ADAM22: variants seen among roughly 807,000 people sequenced by gnomAD.
ADAM22 encodes the protein ADAM metallopeptidase domain 22.
In ADAM22, 65 loss-of-function variants were observed where a neutral mutation model predicts 144.6. That is an observed-to-expected ratio of 0.45 (90% confidence interval 0.37 to 0.55). The LOEUF (loss-of-function observed/expected upper bound fraction) is 0.55, where lower values mean the gene tolerates loss of function less well. ADAM22 is among the 20% of genes least tolerant of loss of function. The pLI is 0.00. For synonymous variants in ADAM22, 391 were observed against 412.6 expected, an observed-to-expected ratio of 0.95 and a Z score of 0.63; for missense variants, 974 against 1,184.9, an observed-to-expected ratio of 0.82 and a Z score of 2.61.
intron 3 of ADAM22, among the ~76,000 whole-genome samples, chr7:87,988,345 A>G (rs1352576022): frequency 3.3e-5 from 5 of 152,164 alleles, no homozygotes; most frequent in African/African-American, 7.2e-5. Context: ...AGGTACTAAT[A>G]TAACACTATG....
At chr7:87,982,078 C>T (rs1487129619) in intron 3 of ADAM22, among the ~76,000 whole-genome samples, 1 of 145,174 alleles carries the variant, frequency 6.9e-6, no homozygotes, top group African/African-American at 2.6e-5. Flanking sequence ...TACACACACA[C>T]ACACACACAC....
At chr7:88,027,762 G>A (rs1799334619) in intron 3 of ADAM22, among the ~76,000 whole-genome samples, 1 of 149,358 alleles carries the variant, frequency 6.7e-6, no homozygotes, top group African/African-American at 2.4e-5. Context: ...TGCTTTTCTA[G>A]TTGTGAAGAT....
chr7:88,146,854 G>A lies in ADAM22; in HGVS notation c.1485+1347G>A, dbSNP rs145553328. 1.1e-3 allele frequency among the ~76,000 whole-genome samples: 170 copies of A among 152,260 alleles called. 1 individual carries two copies. Among genetic ancestry groups the A allele is most frequent in the Admixed American group, 3.3e-3 (50 of 15,298 alleles). ...GTGTCTCCTGGCAGCTTTTTAAGAC[G>A]AGCAGGCACTGGCAGAGATCTCTGA... On this transcript the variant is annotated intron_variant, in intron 17 of 31. Transcript: ENST00000413139.
Position 88,171,548 on chromosome 7 carries a change from T to C in ADAM22, c.2287T>C (p.Tyr763His). Residue 763 changes from tyrosine to histidine, a missense_variant, in exon 26 of 32, where the codon TAT becomes CAT. By Grantham distance (83) the Tyr-to-His change is moderately conservative (BLOSUM62 2). This residue lies in a region of ADAM22 where 734 missense variants were observed against 950.6 expected (regional missense o/e 0.77). Coordinates refer to ENST00000413139, the MANE Select transcript of ADAM22 (RefSeq NM_001324418.2). Reference sequence around the variant, plus strand: ...TCTCTTCTTGTCCATGAAAAGAAACTATCGAGAACAGAGGTATGTAATACA... The same window carrying C: ...TCTCTTCTTGTCCATGAAAAGAAACCATCGAGAACAGAGGTATGTAATACA... ...LGITAWGYKN[Y>H]REQRQLPQGD... 6.3e-7 allele frequency: 1 copy of C among 1,593,430 alleles called. No homozygotes were observed.
intron 2 of ADAM22, among the ~76,000 whole-genome samples, chr7:87,976,422 A>G (rs1851909276): frequency 6.6e-6 from 1 of 152,192 alleles, no homozygotes; most frequent in African/African-American, 2.4e-5. Context: ...AGAAAAGGCT[A>G]TGTGAGGACA....
At chr7:87,953,095 G>T (rs10952903) in intron 2 of ADAM22, among the ~76,000 whole-genome samples, 3 of 151,320 alleles carry the variant, frequency 2.0e-5, no homozygotes, top group Admixed American at 2.0e-4. Flanking sequence ...ACCAGCTCCT[G>T]GCTTCATTAA....
intron 3 of ADAM22, among the ~76,000 whole-genome samples, chr7:88,002,279 G>A (rs1792751522): frequency 6.6e-6 from 1 of 152,096 alleles, no homozygotes. Context: ...AGGACTGCCC[G>A]CCTCTGTCCT....
rs756672735 is a variant in ADAM22, at chr7:88,151,368, G to A, written c.1681+48G>A. On this transcript the variant is annotated intron_variant, in intron 20 of 31. Transcript: ENST00000413139. ...TCATTGTTAAAGCATGATGTCAGGC[G>A]GACTTCTCAAGGACGTGTGTGCTGG... The A allele has an allele frequency of 2.4e-5, 39 of 1,606,244 alleles. 1 individual carries two copies. Among genetic ancestry groups the A allele is most frequent in the Admixed American group, 1.2e-4 (7 of 59,876 alleles).
At chr7:88,165,392 C>T (rs2299205) in intron 23 of ADAM22, among the ~76,000 whole-genome samples, 10,965 of 152,068 alleles carry the variant, frequency 0.072, 562 homozygotes, top group East Asian at 0.22. Flanking sequence ...CAGGTCTCCC[C>T]TCTTCATCAG....
chr7:87,979,945 G>GTT (rs1234354861), intron 3 of ADAM22, among the ~76,000 whole-genome samples: 1 of 152,062 alleles, frequency 6.6e-6, no homozygotes, highest in Non-Finnish European at 1.5e-5. Context: ...GGTAATCTGT[G>GTT]TTTTCTGCTT....
At chr7:87,975,185 C>G (rs13234483) in intron 2 of ADAM22, among the ~76,000 whole-genome samples, 7 of 152,210 alleles carry the variant, frequency 4.6e-5, no homozygotes, top group Non-Finnish European at 8.8e-5. Context: ...TGGAGGCCTT[C>G]TGAGACACCC....
chr7:88,006,735 A>C (rs1203131838), intron 3 of ADAM22, among the ~76,000 whole-genome samples: 1 of 150,286 alleles, frequency 6.7e-6, no homozygotes, highest in Non-Finnish European at 1.5e-5. Flanking sequence ...TAAATTAGGT[A>C]TTGATGGGAC....
At chr7:88,053,570 AGGAG>A (rs201447404) in intron 3 of ADAM22, among the ~76,000 whole-genome samples, 12 of 132,058 alleles carry the variant, frequency 9.1e-5, no homozygotes, top group Non-Finnish European at 1.6e-4. Context: ...GAAAGAAGGA[AGGAG>A]GAAAGGAAGG....
At chr7:87,942,719 G>A (rs372664996) in intron 2 of ADAM22, among the ~76,000 whole-genome samples, 11 of 152,222 alleles carry the variant, frequency 7.2e-5, no homozygotes, top group East Asian at 5.8e-4. Flanking sequence ...TGAAGGACAC[G>A]TGTCCTATTT....
intron 2 of ADAM22, among the ~76,000 whole-genome samples, chr7:87,944,824 T>TTG (rs1554339392): frequency 1.3e-5 from 2 of 151,386 alleles, no homozygotes; most frequent in Non-Finnish European, 2.9e-5. Context: ...GTGTTTTTTT[T>TTG]TTTTTTGTTT....
At chr7:88,103,688 T>A (rs372744710) in intron 4 of ADAM22, among the ~76,000 whole-genome samples, 2 of 152,192 alleles carry the variant, frequency 1.3e-5, no homozygotes, top group African/African-American at 4.8e-5. Context: ...CCAACTCTGA[T>A]AGGAAAAGCC....
intron 2 of ADAM22, among the ~76,000 whole-genome samples, chr7:87,951,965 T>C: frequency 6.7e-6 from 1 of 148,366 alleles, no homozygotes; most frequent in East Asian, 2.0e-4. Flanking sequence ...TATATAAGAA[T>C]GCTTGTGATT....
rs765459046 is a variant in ADAM22, at chr7:88,149,000, C to T, written c.1509C>T (p.Cys503=). 2.0e-5 allele frequency: 33 copies of T among 1,611,580 alleles called. No individual in the cohort carries two copies. In the African/African-American group the frequency reaches 2.8e-4, roughly 14 times the overall value. Residue 503 remains cysteine, a synonymous_variant, in exon 18 of 32, where the codon TGC becomes TGT. Coordinates refer to ENST00000413139, the MANE Select transcript of ADAM22 (RefSeq NM_001324418.2). ...AGTTTCAGCCTATGGGCACTGTGTG[C>T]CGAGAAGCAGTAAATGATTGTGATA... ...KCKFQPMGTV[C]REAVNDCDIR...
At chr7:88,062,052 A>G (rs1810030286) in intron 3 of ADAM22, among the ~76,000 whole-genome samples, 1 of 151,986 alleles carries the variant, frequency 6.6e-6, no homozygotes, top group African/African-American at 2.4e-5. Context: ...TGTGTTGCCC[A>G]GGCTAGTCTC....
Sources: gnomAD v4.1 joint callset for allele counts (sites outside exome capture counted in the v4.1 genomes callset) on GRCh38, gnomAD v4.1.1 for gene constraint, gnomAD v4.1.1 regional missense constraint, MANE v1.5 for transcripts, NCBI Gene and HGNC (gene_info 2026-07-23, HGNC 2026-07-21) for gene names.